The following ATP2B2 variants were observed in gnomAD, a reference collection of about 807,000 sequenced individuals.
ATP2B2 encodes ATPase plasma membrane Ca2+ transporting 2, also known as plasma membrane calcium-transporting ATPase 2.
ATP2B2 carries 15 observed loss-of-function variants against 120.0 expected under a neutral mutation model. The ratio of observed to expected loss-of-function variants is 0.12; its 90% confidence interval spans 0.08 to 0.19. ATP2B2 has a LOEUF of 0.19. Ranked by LOEUF, ATP2B2 falls within the 10% of genes least tolerant of loss-of-function variation. The probability of loss-of-function intolerance (pLI) is 1.00; values close to 1 mark genes in which losing one functional copy is unlikely to be tolerated. For missense variants in ATP2B2, 1,045 were observed against 1,719.8 expected (o/e 0.61, Z 6.94); for synonymous variants, 694 against 700.3 (o/e 0.99, Z 0.14).
intron 1 of ATP2B2, among the ~76,000 whole-genome samples, chr3:10,472,163 A>G (rs2065039971): frequency 6.8e-6 from 1 of 147,660 alleles, no homozygotes; most frequent in Non-Finnish European, 1.5e-5. Flanking sequence ...AGGAAGACAC[A>G]GAGGAACTGA....
intron 2 of ATP2B2, among the ~76,000 whole-genome samples, chr3:10,434,155 T>C (rs777918141): frequency 6.6e-6 from 1 of 152,240 alleles, no homozygotes; most frequent in African/African-American, 2.4e-5. Flanking sequence ...AAGCAGAACA[T>C]CTATACTCTC....
Position 10,402,448 on chromosome 3 carries a change from A to C in ATP2B2, c.398-100T>G, listed in dbSNP as rs2062253918. 1 of 1,532,840 alleles carries C rather than the reference A, an allele frequency of 6.5e-7. No homozygotes were observed. Among genetic ancestry groups the C allele is most frequent in the Non-Finnish European group, 8.9e-7 (1 of 1,119,468 alleles). 95.0% of individuals were successfully genotyped at this position (1,532,840 alleles called of 1,614,324 possible). A position where few individuals can be genotyped will look rare whatever the true frequency, so the allele number is the denominator to read the frequency against. ...TCAGCTCTGCAAAGTAACAAGTGTT[A>C]AGAATCAGATGATAATTATCCACTT... On this transcript the variant is annotated intron_variant, in intron 3 of 22. Coordinates refer to ENST00000360273, the MANE Select transcript of ATP2B2 (RefSeq NM_001001331.4). This position sits in a 1 kb window ranked among gnomAD's most constrained non-coding sequence, Gnocchi z 4.9.
At chr3:10,522,199 G>A (rs1042575492) in intron 3 of ATP2B2, among the ~76,000 whole-genome samples, 2 of 152,160 alleles carry the variant, frequency 1.3e-5, no homozygotes, top group Non-Finnish European at 2.9e-5. Flanking sequence ...GCTCCTCGTG[G>A]TCCCGTGTAT....
chr3:10,685,776 C>T (rs551636570), intron 1 of ATP2B2, among the ~76,000 whole-genome samples: 9 of 152,324 alleles, frequency 5.9e-5, no homozygotes, highest in African/African-American at 2.2e-4. Context: ...TATGCCTGAA[C>T]GTTTATGATG....
At chr3:10,398,942 G>C (rs1473308134) in intron 5 of ATP2B2, among the ~76,000 whole-genome samples, 1 of 152,250 alleles carries the variant, frequency 6.6e-6, no homozygotes, top group South Asian at 2.1e-4. Context: ...AGGCTGGCTG[G>C]TTGGCTTCCC....
intron 2 of ATP2B2, among the ~76,000 whole-genome samples, chr3:10,561,002 C>T (rs955038684): frequency 2.1e-4 from 32 of 152,158 alleles, no homozygotes; most frequent in Non-Finnish European, 4.0e-4. Flanking sequence ...AAAATCCTTC[C>T]GATCATCCAG....
chr3:10,512,216 G>T (rs2066775430), intron 3 of ATP2B2, among the ~76,000 whole-genome samples: 1 of 152,126 alleles, frequency 6.6e-6, no homozygotes, highest in South Asian at 2.1e-4. Context: ...GCTGAAGAGG[G>T]TTGGGGACCC....
intron 2 of ATP2B2, among the ~76,000 whole-genome samples, chr3:10,432,218 A>G (rs1559330753): frequency 1.3e-5 from 2 of 152,200 alleles, no homozygotes; most frequent in African/African-American, 2.4e-5. Context: ...TAGGACAGTG[A>G]TAATACCGGA....
intron 1 of ATP2B2, among the ~76,000 whole-genome samples, chr3:10,630,157 T>A (rs74620179): frequency 6.6e-6 from 1 of 152,146 alleles, no homozygotes; most frequent in East Asian, 1.9e-4. Context: ...AATTTCATTT[T>A]AAAATTTTTT....
chr3:10,552,161 G>A (rs1385167374), intron 2 of ATP2B2, among the ~76,000 whole-genome samples: 2 of 152,232 alleles, frequency 1.3e-5, no homozygotes, highest in African/African-American at 2.4e-5. Context: ...CCGCCGCCTC[G>A]GTGCCGGTTG....
chr3:10,660,423 G>C (rs1269779335), intron 1 of ATP2B2, among the ~76,000 whole-genome samples: 40 of 152,052 alleles, frequency 2.6e-4, no homozygotes, highest in Non-Finnish European at 4.6e-4. Flanking sequence ...GATATCACCA[G>C]CGATCCCACA....
chr3:10,403,456 A>C (rs567911973), intron 3 of ATP2B2, among the ~76,000 whole-genome samples: 1 of 152,362 alleles, frequency 6.6e-6, no homozygotes, highest in Admixed American at 6.5e-5. Context: ...CATCAGACCC[A>C]AAGGCAGATC....
At chr3:10,698,728 G>A (rs2071775787) in intron 1 of ATP2B2, among the ~76,000 whole-genome samples, 1 of 152,198 alleles carries the variant, frequency 6.6e-6, no homozygotes, top group Non-Finnish European at 1.5e-5. Context: ...CCAGCCTGGG[G>A]AATGTGCAAA....
At chr3:10,345,304 G>C in intron 18 of ATP2B2, 80 bp downstream of exon 18, 6 of 1,515,284 alleles carry the variant, frequency 4.0e-6, no homozygotes, top group Non-Finnish European at 5.5e-6. Flanking sequence ...GGGACAACCT[G>C]GAGTACCCTA....
At chr3:10,344,172 T>C (rs566715887) in intron 18 of ATP2B2, among the ~76,000 whole-genome samples, 1 of 152,020 alleles carries the variant, frequency 6.6e-6, no homozygotes, top group African/African-American at 2.4e-5. Context: ...AGTGTGCCCG[T>C]CTTCTTATCA....
At chr3:10,418,677 G>GC (rs1400940425) in intron 2 of ATP2B2, among the ~76,000 whole-genome samples, 1 of 152,168 alleles carries the variant, frequency 6.6e-6, no homozygotes, top group Non-Finnish European at 1.5e-5. Context: ...TACACTAACT[G>GC]CCCTCTGAGG....
rs141599258 is a variant in ATP2B2 at position 10,477,455 on chromosome 3, T to G, written c.-319-27593A>C. ...AAGTGCACAGTTCAGTGACATTAAG[T>G]GCATCCTCATTGTTGCACAACCATC... is the stretch of plus-strand genomic sequence containing the variant. On this transcript the variant is annotated intron_variant, in intron 1 of 22. Transcript: ENST00000360273. Among the ~76,000 whole-genome samples the G allele has an allele frequency of 2.6e-5, 4 of 152,358 alleles. No individual in the cohort carries two copies. In the East Asian group the frequency reaches 7.7e-4, roughly 29 times the overall value.
chr3:10,331,601 G>T (rs920278726), intron 22 of ATP2B2, among the ~76,000 whole-genome samples: 2 of 151,744 alleles, frequency 1.3e-5, no homozygotes, highest in Non-Finnish European at 1.5e-5. Context: ...ACCCCGCCAC[G>T]GCCATCTCAA....
chr3:10,658,054 A>T (rs2070683527), intron 1 of ATP2B2, among the ~76,000 whole-genome samples: 1 of 152,260 alleles, frequency 6.6e-6, no homozygotes, highest in South Asian at 2.1e-4. Context: ...TTAGAAGGAA[A>T]ACTAACAAAC....
Sources: allele counts gnomAD v4.1 joint callset (sites outside exome capture counted in the v4.1 genomes callset), GRCh38; gene constraint gnomAD v4.1.1; non-coding constraint Gnocchi (gnomAD v3.1); transcripts MANE v1.5; gene names NCBI Gene and HGNC (gene_info 2026-07-23, HGNC 2026-07-21).